Variants in TNKS observed in about 807,000 individuals in gnomAD.
The protein encoded by TNKS is tankyrase.
TNKS carries 72 observed loss-of-function variants against 135.8 expected under a neutral mutation model. That is an observed-to-expected ratio of 0.53 (90% CI 0.44 to 0.64). The LOEUF (loss-of-function observed/expected upper bound fraction) is 0.64, where lower values mean the gene tolerates loss of function less well. Ranked by LOEUF, TNKS falls within the 30% of genes least tolerant of loss-of-function variation. TNKS has a pLI of 0.00. For synonymous variants in TNKS, 849 were observed against 649.3 expected (o/e 1.31, Z -4.68); for missense variants, 1,769 against 1,674.0 (o/e 1.06, Z -0.99).
In TNKS at chr8:9,761,644, A is replaced by C; in HGVS notation, c.3274+8A>C. ...TCTTAGGTGGACAACAAGGTAAGCT[A>C]TTCAGAAAAAAAAAAAAATTTCAGA... On this transcript the variant is annotated splice_region_variant and intron_variant, in intron 21 of 26. Transcript: ENST00000310430. 1.9e-6 allele frequency: 3 copies of C among 1,580,576 alleles called. No homozygotes were observed. The highest frequency in any genetic ancestry group is 1.4e-5 in the African/African-American group (1 of 71,982).
intron 22 of TNKS, 108 bp from the exon 23 acceptor site, chr8:9,764,608 A>C: frequency 1.4e-6 from 1 of 694,454 alleles, no homozygotes; most frequent in Non-Finnish European, 2.2e-6. Flanking sequence ...CTTGTTCATC[A>C]ATTTATAGTG....
intron 5 of TNKS, among the ~76,000 whole-genome samples, chr8:9,689,643 C>T (rs796545353): frequency 7.9e-5 from 12 of 152,278 alleles, no homozygotes; most frequent in African/African-American, 2.9e-4. Flanking sequence ...CAGAACTAGA[C>T]GTCTCTGCTC....
intron 2 of TNKS, among the ~76,000 whole-genome samples, chr8:9,608,321 G>T (rs1171913316): frequency 6.6e-6 from 1 of 152,114 alleles, no homozygotes; most frequent in African/African-American, 2.4e-5. Flanking sequence ...ATATCTTAAT[G>T]TTATCATAAA....
rs151213611 is a variant in TNKS, at chr8:9,780,466, T to A, written c.*3730T>A. On this transcript the variant is annotated 3_prime_UTR_variant, in exon 27 of 27. Transcript: ENST00000310430. Reference sequence around the variant, plus strand: ...TTTAAAGAGTAAAGTCAAATTTGTTTAATGTCAGATCAGTGACAGAAGTGA... The same window carrying A: ...TTTAAAGAGTAAAGTCAAATTTGTTAAATGTCAGATCAGTGACAGAAGTGA... 1 of 152,334 alleles carries A rather than the reference T, an allele frequency of 6.6e-6. No individual in the cohort carries two copies. Among genetic ancestry groups the A allele is most frequent in the East Asian group, 1.9e-4 (1 of 5,190 alleles). The allele number at this position is 152,334 out of a possible 1,614,324, so 9.4% of individuals were successfully genotyped here. A position where few individuals can be genotyped will look rare whatever the true frequency, so the allele number is the denominator to read the frequency against.
chr8:9,747,963 C>A, intron 17 of TNKS, 61 bp from the exon 18 acceptor site: 3 of 1,482,586 alleles, frequency 2.0e-6, no homozygotes, highest in Non-Finnish European at 2.7e-6. Flanking sequence ...CAGGTATACA[C>A]AATGGTGCTT....
At chr8:9,700,762 C>T (rs536110484) in intron 5 of TNKS, among the ~76,000 whole-genome samples, 3 of 152,108 alleles carry the variant, frequency 2.0e-5, no homozygotes, top group Non-Finnish European at 2.9e-5. Context: ...ATTTTTTCAC[C>T]GACTTCCTGT....
At chr8:9,665,054 A>G (rs1320385971) in intron 3 of TNKS, among the ~76,000 whole-genome samples, 4 of 152,322 alleles carry the variant, frequency 2.6e-5, no homozygotes, top group East Asian at 1.9e-4. Context: ...AATACTGACA[A>G]TGCTAATCAA....
intron 5 of TNKS, among the ~76,000 whole-genome samples, chr8:9,685,134 G>A (rs1174270743): frequency 6.6e-6 from 1 of 152,102 alleles, no homozygotes; most frequent in Non-Finnish European, 1.5e-5. Flanking sequence ...GAAGATGACT[G>A]GAAACAGAGA....
intron 11 of TNKS, among the ~76,000 whole-genome samples, chr8:9,718,643 G>A (rs1242647603): frequency 1.3e-5 from 2 of 152,090 alleles, no homozygotes; most frequent in African/African-American, 2.4e-5. Flanking sequence ...ATGAAAATAC[G>A]TACACTAAGG....
At chr8:9,747,533 G>A (rs995525653) in intron 17 of TNKS, among the ~76,000 whole-genome samples, 3 of 152,152 alleles carry the variant, frequency 2.0e-5, no homozygotes, top group Non-Finnish European at 4.4e-5. Flanking sequence ...AGGCTAAAGA[G>A]AAAACATTGA....
chr8:9,611,256 G>T (rs1799450977), intron 2 of TNKS, among the ~76,000 whole-genome samples: 1 of 152,164 alleles, frequency 6.6e-6, no homozygotes, highest in Admixed American at 6.5e-5. Context: ...ATGTCCCAGT[G>T]GTTAAAGATA....
At chr8:9,674,786 T>A (rs796586499) in intron 3 of TNKS, among the ~76,000 whole-genome samples, 14 of 152,312 alleles carry the variant, frequency 9.2e-5, no homozygotes, top group African/African-American at 3.4e-4. Context: ...GGAAAGGGTC[T>A]CTACCAGGAA....
intron 8 of TNKS, 130 bp from the exon 9 acceptor site, chr8:9,708,241 A>G (rs1804144768): frequency 1.3e-6 from 1 of 784,898 alleles, no homozygotes. Context: ...TCATCATATT[A>G]TCACATTGCT....
rs867174581 is a variant in TNKS at position 9,669,374 on chromosome 8, C to T, written c.995-10577C>T. ...CGGAGCTTGCAGTGAGCCGAGATTG[C>T]GCCACTGCAGTCCGCAGTCCGGCCT... On this transcript the variant is annotated intron_variant, in intron 3 of 26. Coordinates refer to ENST00000310430, the MANE Select transcript of TNKS (RefSeq NM_003747.3). Among the ~76,000 whole-genome samples, 6 of 145,956 alleles carry T rather than the reference C, an allele frequency of 4.1e-5. 1 individual carries two copies. Among genetic ancestry groups the T allele is most frequent in the African/African-American group, 1.5e-4 (6 of 39,278 alleles).
At chr8:9,717,681 A>G (rs188204119) in intron 11 of TNKS, among the ~76,000 whole-genome samples, 1 of 152,304 alleles carries the variant, frequency 6.6e-6, no homozygotes, top group Admixed American at 6.5e-5. Flanking sequence ...TACTGCTGAG[A>G]GGATGTATAA....
intron 2 of TNKS, among the ~76,000 whole-genome samples, chr8:9,613,803 A>G (rs1043322510): frequency 1.3e-5 from 2 of 152,238 alleles, no homozygotes; most frequent in Non-Finnish European, 2.9e-5. Context: ...TTAAAACAAG[A>G]AGGATTGAGG....
rs1416272537 is a variant in TNKS, at chr8:9,777,693, G to C, written c.*957G>C. 6.6e-6 allele frequency: 1 copy of C among 152,162 alleles called. No individual in the cohort carries two copies. Among genetic ancestry groups the C allele is most frequent in the African/African-American group, 2.4e-5 (1 of 41,456 alleles). 9.4% of individuals were successfully genotyped at this position (152,162 alleles called of 1,614,324 possible). ...GGCAGCCCCAATGGATCCAGGGGAT[G>C]CCTCCAAAAAATACATGCTTCCCTT... On this transcript the variant is annotated 3_prime_UTR_variant, in exon 27 of 27. Coordinates refer to ENST00000310430, the MANE Select transcript of TNKS (RefSeq NM_003747.3).
At chr8:9,672,670 A>C (rs961177210) in intron 3 of TNKS, among the ~76,000 whole-genome samples, 7 of 138,454 alleles carry the variant, frequency 5.1e-5, no homozygotes, top group African/African-American at 1.6e-4. Flanking sequence ...AAAAAAAAAA[A>C]AAAAAACACA....
intron 3 of TNKS, among the ~76,000 whole-genome samples, chr8:9,623,845 T>C (rs1271841895): frequency 1.3e-5 from 2 of 151,782 alleles, no homozygotes; most frequent in Non-Finnish European, 2.9e-5. Flanking sequence ...CTACCAAAAA[T>C]ACAAAATTTA....
Sources: allele counts gnomAD v4.1 joint callset (sites outside exome capture counted in the v4.1 genomes callset), GRCh38; gene constraint gnomAD v4.1.1; transcripts MANE v1.5; gene names NCBI Gene and HGNC (gene_info 2026-07-23, HGNC 2026-07-21).